Variants in DCLK2 observed in about 807,000 individuals in gnomAD.
DCLK2 encodes the protein doublecortin like kinase 2.
A neutral mutation model predicts 78.4 loss-of-function variants in DCLK2; 31 were observed. The ratio of observed to expected loss-of-function variants is 0.40; its 90% CI spans 0.30 to 0.53. DCLK2 has a LOEUF of 0.53. Among genes scored for constraint, DCLK2 ranks in the 20% least tolerant of loss-of-function variants. DCLK2 has a pLI of 0.61. For synonymous variants in DCLK2, 407 were observed against 374.9 expected, an observed-to-expected ratio of 1.09 and a Z score of -0.99; for missense variants, 872 against 973.7, an observed-to-expected ratio of 0.90 and a Z score of 1.39.
intron 2 of DCLK2, among the ~76,000 whole-genome samples, chr4:150,143,014 T>G (rs1007723540): frequency 6.6e-6 from 1 of 152,270 alleles, no homozygotes; most frequent in African/African-American, 2.4e-5. Flanking sequence ...CTCCCACTTA[T>G]AAGTGAGAAT....
intron 2 of DCLK2, chr4:150,175,752 C>T (rs1737042221): frequency 6.6e-6 from 1 of 152,190 alleles, no homozygotes. Flanking sequence ...ATGTGTTGCA[C>T]TTACTGTAGA....
At chr4:150,167,170 AT>A (rs1426220347) in intron 2 of DCLK2, among the ~76,000 whole-genome samples, 2 of 152,200 alleles carry the variant, frequency 1.3e-5, no homozygotes, top group Non-Finnish European at 2.9e-5. Flanking sequence ...CAAAAAAAAA[AT>A]ATCTGTTTCA....
At chr4:150,182,345 C>G (rs945255404) in intron 2 of DCLK2, among the ~76,000 whole-genome samples, 1 of 152,130 alleles carries the variant, frequency 6.6e-6, no homozygotes, top group Admixed American at 6.5e-5. Flanking sequence ...CTCTACCTGG[C>G]CTCCCAAATC....
chr4:150,186,894 ATGTGTGTGTGTGTGTGTGTG>A (rs10683241), intron 2 of DCLK2, among the ~76,000 whole-genome samples: 1 of 147,598 alleles, frequency 6.8e-6, no homozygotes, highest in African/African-American at 2.5e-5. Context: ...CTATCTCAAA[ATGTGTGTGTGTGTGTGTGTG>A]TGTGTGTGTG....
intron 2 of DCLK2, among the ~76,000 whole-genome samples, chr4:150,136,777 A>G (rs1205723857): frequency 6.6e-6 from 1 of 152,152 alleles, no homozygotes; most frequent in Non-Finnish European, 1.5e-5. Context: ...CTCTATACCT[A>G]GGGCACTTTA....
intron 10 of DCLK2, among the ~76,000 whole-genome samples, chr4:150,236,969 G>T (rs1742557378): frequency 6.6e-6 from 1 of 152,142 alleles, no homozygotes. Context: ...AGGGACTTCT[G>T]AGTATCTGAC....
chr4:150,091,646 A>G (rs1046569351), intron 1 of DCLK2, among the ~76,000 whole-genome samples: 11 of 151,500 alleles, frequency 7.3e-5, no homozygotes, highest in Non-Finnish European at 1.0e-4. Flanking sequence ...TACTGGACAT[A>G]CTATAACAGA....
intron 2 of DCLK2, among the ~76,000 whole-genome samples, chr4:150,181,060 A>G (rs1737473814): frequency 6.6e-6 from 1 of 152,176 alleles, no homozygotes. Flanking sequence ...TCTTTGTCCA[A>G]TTATATTTCT....
In DCLK2 at chr4:150,240,467, C is replaced by T. The variant is rs372472394; in HGVS notation, c.1769C>T (p.Pro590Leu). The T allele has an allele frequency of 6.2e-7, 1 of 1,612,826 alleles. No homozygotes were observed. Among genetic ancestry groups the T allele is most frequent in the Non-Finnish European group, 8.5e-7 (1 of 1,179,208 alleles). ...TACATACTTCTCTGTGGATTCCCAC[C>T]ATTCCGAAGGTAGGCGGCCTTTTGG... ...ITYILLCGFP[P>L]FRSENNLQED... The change falls in exon 12 of 16, where the codon CCA (proline) becomes CTA (leucine). Residue 590 changes from proline to leucine, a missense_variant. Coordinates refer to ENST00000296550, the MANE Select transcript of DCLK2 (RefSeq NM_001040260.4).
At position 150,239,869 on chromosome 4, in the gene DCLK2, A is replaced by G. The variant is rs752522566; in HGVS notation, c.1694A>G (p.Glu565Gly). The change falls in exon 11 of 16, where the codon GAA becomes GGA. Residue 565 changes from glutamate (E) to glycine (G), a missense_variant. By Grantham distance (98) the Glu-to-Gly change is moderately conservative (BLOSUM62 -2). Around this residue, in one of 3 missense-constraint regions of DCLK2, gnomAD observed 86 missense variants for 150.3 expected, o/e 0.57. Coordinates refer to ENST00000296550, the MANE Select transcript of DCLK2 (RefSeq NM_001040260.4). The part of the protein sequence containing the change: ...PTYVAPEIIA[E>G]TGYGLKVDIW... ...TATGTGGCTCCAGAAATCATTGCTGAAACTGGGTAAGACTTCTGGTGGCCC... is the reference window on the plus strand; with the variant it reads ...TATGTGGCTCCAGAAATCATTGCTGGAACTGGGTAAGACTTCTGGTGGCCC... 1 of 1,614,040 alleles carries G rather than the reference A, an allele frequency of 6.2e-7. No homozygotes were observed. The highest frequency in any genetic ancestry group is 8.5e-7 in the Non-Finnish European group (1 of 1,179,994).
intron 12 of DCLK2, among the ~76,000 whole-genome samples, chr4:150,242,928 A>T (rs1743032817): frequency 6.6e-6 from 1 of 151,986 alleles, no homozygotes; most frequent in Admixed American, 6.6e-5. Context: ...TCAAGTGGAG[A>T]AGGGGAATGC....
At chr4:150,132,897 A>G (rs1733423909) in intron 2 of DCLK2, among the ~76,000 whole-genome samples, 1 of 152,184 alleles carries the variant, frequency 6.6e-6, no homozygotes, top group Non-Finnish European at 1.5e-5. Context: ...CAAAGTGCTG[A>G]GATTACAGGG....
At chr4:150,090,758 G>A (rs562982291) in intron 1 of DCLK2, among the ~76,000 whole-genome samples, 2 of 152,056 alleles carry the variant, frequency 1.3e-5, no homozygotes, top group South Asian at 2.1e-4. Context: ...AGCAGATTTT[G>A]TACCCCCTTC....
chr4:150,192,796 A>G (rs950946567), intron 2 of DCLK2, among the ~76,000 whole-genome samples: 4 of 152,174 alleles, frequency 2.6e-5, no homozygotes, highest in Non-Finnish European at 5.9e-5. Context: ...GGAAAAGAAT[A>G]CTAAACTGAG....
intron 1 of DCLK2, among the ~76,000 whole-genome samples, chr4:150,096,776 G>T (rs1177888971): frequency 6.6e-6 from 1 of 152,216 alleles, no homozygotes; most frequent in Non-Finnish European, 1.5e-5. Context: ...ATTTCAGCTA[G>T]CAGAGCCCAG....
chr4:150,092,236 T>C (rs958839828), intron 1 of DCLK2, among the ~76,000 whole-genome samples: 13 of 152,232 alleles, frequency 8.5e-5, no homozygotes, highest in Admixed American at 2.6e-4. Flanking sequence ...TGTTTTCATA[T>C]CTTAGCTATT....
intron 12 of DCLK2, among the ~76,000 whole-genome samples, chr4:150,246,116 C>T (rs1188989930): frequency 6.6e-6 from 1 of 151,416 alleles, no homozygotes; most frequent in East Asian, 1.9e-4. Flanking sequence ...GCGATCTCAG[C>T]TCACTGCAAC....
chr4:150,144,834 C>T (rs1734350838), intron 2 of DCLK2, among the ~76,000 whole-genome samples: 1 of 152,224 alleles, frequency 6.6e-6, no homozygotes, highest in Admixed American at 6.5e-5. Context: ...GATCCTCCTG[C>T]CTTGGCCTCC....
intron 1 of DCLK2, among the ~76,000 whole-genome samples, chr4:150,085,783 T>G (rs776660423): frequency 6.6e-6 from 1 of 152,194 alleles, no homozygotes; most frequent in Admixed American, 6.5e-5. Flanking sequence ...GTTAGCACCT[T>G]GATCTTTGAT....
Sources: gnomAD v4.1 joint callset for allele counts (sites outside exome capture counted in the v4.1 genomes callset) on GRCh38, gnomAD v4.1.1 for gene constraint, gnomAD v4.1.1 regional missense constraint, MANE v1.5 for transcripts, NCBI Gene and HGNC (gene_info 2026-07-23, HGNC 2026-07-21) for gene names.